TRIM55: variants seen among roughly 807,000 people sequenced by gnomAD.
The protein encoded by TRIM55 is tripartite motif-containing protein 55.
In TRIM55, 50 loss-of-function variants were observed where a neutral mutation model predicts 60.9. The ratio of observed to expected loss-of-function variants is 0.82; its 90% confidence interval spans 0.65 to 1.04. The LOEUF is 1.04. Ranked by LOEUF, TRIM55 falls within the 50% of genes least tolerant of loss-of-function variation. The pLI is 0.00. For missense variants in TRIM55, 681 were observed against 666.9 expected (o/e 1.02, Z -0.23); for synonymous variants, 237 against 238.1 (o/e 1.00, Z 0.04).
At chr8:66,114,091 C>T in the TRIM55 span, among the ~76,000 whole-genome samples, 1 of 137,756 alleles carries the variant, frequency 7.3e-6, no homozygotes, top group Non-Finnish European at 1.6e-5. Context: ...CACCCCCCCC[C>T]CCATTATTTT....
chr8:66,150,188 G>A, intron 5 of TRIM55, 29 bp from the exon 6 acceptor site: 1 of 1,608,388 alleles, frequency 6.2e-7, no homozygotes, highest in Non-Finnish European at 8.5e-7. Flanking sequence ...AATAATTTAA[G>A]TAAGACTATC....
At position 66,154,426 on chromosome 8, in the gene TRIM55, G is replaced by A. The variant is rs969693894; in HGVS notation, c.1524+92G>A. 12 of 1,374,644 alleles carry A rather than the reference G, an allele frequency of 8.7e-6. No individual in the cohort carries two copies. The African/African-American group carries it at 1.7e-4, about 20-fold the overall frequency. 85.2% of individuals were successfully genotyped at this position (1,374,644 alleles called of 1,614,324 possible). ...AGCAAGAAGAAAAAGGGTTTTCAAA[G>A]GGGCAGAGAGAAACCTCAGCCAGGG... On this transcript the variant is annotated intron_variant, in intron 9 of 9. Coordinates refer to ENST00000315962, the MANE Select transcript of TRIM55 (RefSeq NM_184085.2).
chr8:66,168,841 AAT>A (rs1391471868), intron 9 of TRIM55, among the ~76,000 whole-genome samples: 1 of 152,206 alleles, frequency 6.6e-6, no homozygotes, highest in African/African-American at 2.4e-5. Flanking sequence ...ATAAGACATG[AAT>A]ATTTCTAGGT....
Position 66,165,098 on chromosome 8 carries a change from C to G in TRIM55, c.1525-9373C>G, listed in dbSNP as rs868337414. Among the ~76,000 whole-genome samples the G allele has an allele frequency of 3.3e-5, 5 of 152,214 alleles. No homozygotes were observed. The Middle Eastern group carries it at 0.01, about 311-fold the overall frequency. ...TCCCAGTCTTTCAGAAACCAATACACGTGTCCCCAGACCTGAGCCTTTCAC... is the reference window on the plus strand; with the variant it reads ...TCCCAGTCTTTCAGAAACCAATACAGGTGTCCCCAGACCTGAGCCTTTCAC... On this transcript the variant is annotated intron_variant, in intron 9 of 9. Transcript: ENST00000315962.
At chr8:66,130,684 G>A (rs1809100288) in intron 2 of TRIM55, among the ~76,000 whole-genome samples, 1 of 138,038 alleles carries the variant, frequency 7.2e-6, no homozygotes, top group Non-Finnish European at 1.5e-5. Flanking sequence ...TTTTTGAGAT[G>A]GAGTTTTGCT....
At chr8:66,121,447 G>A in the TRIM55 span, among the ~76,000 whole-genome samples, 8 of 152,240 alleles carry the variant, frequency 5.3e-5, no homozygotes, top group East Asian at 1.2e-3. Context: ...AATACCTTCA[G>A]GAGACTACAC....
intron 4 of TRIM55, among the ~76,000 whole-genome samples, chr8:66,144,366 G>A (rs2128977942): frequency 6.6e-6 from 1 of 152,214 alleles, no homozygotes; most frequent in South Asian, 2.1e-4. Flanking sequence ...CTAGAAATGG[G>A]ATGAATTTTA....
At chr8:66,165,508 T>A (rs113866658) in intron 9 of TRIM55, among the ~76,000 whole-genome samples, 3,516 of 152,196 alleles carry the variant, frequency 0.023, 128 homozygotes, top group African/African-American at 0.075. Flanking sequence ...ATCTATTTAA[T>A]TTTCCAAAAC....
At chr8:66,166,836 A>G (rs1340970996) in intron 9 of TRIM55, among the ~76,000 whole-genome samples, 6 of 152,172 alleles carry the variant, frequency 3.9e-5, no homozygotes. Flanking sequence ...GCATCTAAGA[A>G]AAGTGGATGA....
At chr8:66,167,800 A>T (rs1388552987) in intron 9 of TRIM55, among the ~76,000 whole-genome samples, 1 of 152,122 alleles carries the variant, frequency 6.6e-6, no homozygotes, top group Non-Finnish European at 1.5e-5. Flanking sequence ...CCAGGCTAGA[A>T]TGCAGTGGTG....
upstream of TRIM55, among the ~76,000 whole-genome samples, chr8:66,122,893 A>C (rs925515171): frequency 6.6e-6 from 1 of 152,188 alleles, no homozygotes; most frequent in Non-Finnish European, 1.5e-5. Flanking sequence ...AAGAAATTGA[A>C]GTATTTTACC....
intron 4 of TRIM55, among the ~76,000 whole-genome samples, chr8:66,142,648 G>A (rs376758116): frequency 1.1e-4 from 17 of 152,184 alleles, no homozygotes; most frequent in Admixed American, 2.0e-4. Flanking sequence ...TCAAATTACC[G>A]TATAATTATC....
At chr8:66,122,808 A>T (rs1171341889), upstream of TRIM55, among the ~76,000 whole-genome samples, 1 of 151,920 alleles carries the variant, frequency 6.6e-6, no homozygotes, top group African/African-American at 2.4e-5. Context: ...GAACAAACAG[A>T]CTCTTTGTAG....
upstream of TRIM55, chr8:66,126,810 C>G (rs1228419936): frequency 6.5e-6 from 1 of 154,340 alleles, no homozygotes; most frequent in Non-Finnish European, 1.4e-5. Context: ...GTGCTGCGTT[C>G]TGCCCCTTCC....
At chr8:66,126,372 G>C (rs1489900182), upstream of TRIM55, among the ~76,000 whole-genome samples, 1 of 152,182 alleles carries the variant, frequency 6.6e-6, no homozygotes, top group Non-Finnish European at 1.5e-5. Context: ...GTGTTTTTGG[G>C]TGTATGTAGG....
the TRIM55 span, among the ~76,000 whole-genome samples, chr8:66,118,885 G>A: frequency 3.3e-5 from 5 of 152,292 alleles, no homozygotes; most frequent in Admixed American, 2.6e-4. Context: ...ATGGGTGGAT[G>A]GATGGTTGGA....
At chr8:66,128,227 G>A in intron 1 of TRIM55, 77 bp from the exon 2 acceptor site, 1 of 1,332,748 alleles carries the variant, frequency 7.5e-7, no homozygotes, top group Non-Finnish European at 1.0e-6. Context: ...GTTTGTAGTA[G>A]CAGAGAGTGA....
chr8:66,114,259 C>G, the TRIM55 span, among the ~76,000 whole-genome samples: 1 of 152,154 alleles, frequency 6.6e-6, no homozygotes, highest in Admixed American at 6.5e-5. Context: ...CCCGCATCCT[C>G]CAGTTTTCCT....
chr8:66,174,351 T>C, intron 9 of TRIM55, 120 bp from the exon 10 acceptor site: 1 of 714,554 alleles, frequency 1.4e-6, no homozygotes, highest in Non-Finnish European at 1.9e-6. Context: ...TATAATAATA[T>C]TGTTATTATA....
Sources: allele counts gnomAD v4.1 joint callset (sites outside exome capture counted in the v4.1 genomes callset), GRCh38; gene constraint gnomAD v4.1.1; transcripts MANE v1.5; gene names NCBI Gene and HGNC (gene_info 2026-07-23, HGNC 2026-07-21).